Variants in FRMPD3 observed in about 807,000 individuals in gnomAD.
The protein encoded by FRMPD3 is FERM and PDZ domain-containing protein 3.
Under a neutral mutation model 97.9 loss-of-function variants are expected in FRMPD3, and 42 were observed. That is an observed-to-expected ratio of 0.43 (90% CI 0.34 to 0.55). The LOEUF (loss-of-function observed/expected upper bound fraction) is 0.55, where lower values mean the gene tolerates loss of function less well. Ranked by LOEUF, FRMPD3 falls within the 20% of genes least tolerant of loss-of-function variation. FRMPD3 has a pLI of 0.03. For missense variants in FRMPD3, 1,303 were observed against 1,457.7 expected, an observed-to-expected ratio of 0.89 and a Z score of 1.73; for synonymous variants, 577 against 581.1, an observed-to-expected ratio of 0.99 and a Z score of 0.10.
In FRMPD3 at chrX:107,482,096, TTTTG is replaced by T. The variant is rs1279894388; in HGVS notation, c.-8+32103_-8+32106del. On this transcript the variant is annotated intron_variant, in intron 1 of 14. Coordinates refer to ENST00000683843, the MANE Select transcript of FRMPD3 (RefSeq NM_001388459.1). ...AAAACCCCCGTGAGCTGAGAGGTTT[TTTTG>T]TTTGTTTGTTTTGTTTTTTTCTCTC... 7.2e-5 allele frequency among the ~76,000 whole-genome samples: 8 copies of T among 110,948 alleles called. No homozygotes were observed. The East Asian group carries it at 2.0e-3, about 27-fold the overall frequency.
chrX:107,493,362 A>T (rs906477914), intron 1 of FRMPD3, among the ~76,000 whole-genome samples: 10 of 110,711 alleles, frequency 9.0e-5, no homozygotes, highest in African/African-American at 2.6e-4. Context: ...GGCATTTTAA[A>T]GCAGTGTCAT....
chrX:107,522,597 A>C (rs996747397), intron 1 of FRMPD3: 2 of 428,303 alleles, frequency 4.7e-6, no homozygotes, highest in Non-Finnish European at 8.1e-6. Flanking sequence ...TTCATCTCCT[A>C]CCTAGAAGGC....
In FRMPD3 at chrX:107,550,068, C is replaced by G. The variant is rs761988484; in HGVS notation, c.422C>G (p.Ala141Gly). The G allele has an allele frequency of 3.3e-6, 4 of 1,196,460 alleles. No individual in the cohort carries two copies. Among genetic ancestry groups the G allele is most frequent in the Admixed American group, 4.4e-5 (2 of 45,746 alleles). Residue 141 changes from alanine (A) to glycine (G), a missense_variant, in exon 6 of 15, where the codon GCT becomes GGT. Coordinates refer to ENST00000683843, the MANE Select transcript of FRMPD3 (RefSeq NM_001388459.1). ...TCACAGAAAATGATGAAGAAGGAAG[C>G]TCTCCTCCTCATCCCTAATGTCCTG... The part of the protein sequence containing the change: ...ETDAKMMKKE[A>G]LLLIPNVLKV...
At chrX:107,504,701 C>T (rs991125536) in intron 1 of FRMPD3, among the ~76,000 whole-genome samples, 6 of 111,725 alleles carry the variant, frequency 5.4e-5, no homozygotes, top group African/African-American at 2.0e-4. Context: ...AATACAGAAC[C>T]CCCAGCTTCC....
chrX:107,462,492 T>C (rs911166484), intron 1 of FRMPD3, among the ~76,000 whole-genome samples: 4 of 112,116 alleles, frequency 3.6e-5, no homozygotes, highest in Non-Finnish European at 3.8e-5. Context: ...GCTTGGGGCT[T>C]CATGCCCCAC....
rs1187200108 is a variant in FRMPD3 at position 107,519,954 on chromosome X, G to T, written c.-7-6628G>T. On this transcript the variant is annotated intron_variant, in intron 1 of 14. Coordinates refer to ENST00000683843, the MANE Select transcript of FRMPD3 (RefSeq NM_001388459.1). ...GGACACTTTCCAAGAATAAATTGAGGCTATAGGAGAGTTTGTTGTTGACTG... is the reference window on the plus strand; with the variant it reads ...GGACACTTTCCAAGAATAAATTGAGTCTATAGGAGAGTTTGTTGTTGACTG... Among the ~76,000 whole-genome samples, 3 of 111,644 alleles carry T rather than the reference G, an allele frequency of 2.7e-5. No individual in the cohort carries two copies. In the Admixed American group the frequency reaches 2.9e-4, roughly 11 times the overall value.
intron 5 of FRMPD3, among the ~76,000 whole-genome samples, chrX:107,547,688 G>A (rs995953741): frequency 3.6e-5 from 4 of 111,563 alleles, no homozygotes; most frequent in African/African-American, 3.3e-5. Flanking sequence ...GACCATAGCA[G>A]CCTCATCACA....
rs1921801282 is a variant in FRMPD3, at chrX:107,550,147, C to T, written c.501C>T (p.Thr167=). The T allele has an allele frequency of 1.7e-6, 2 of 1,179,596 alleles. No homozygotes were observed. Among genetic ancestry groups the T allele is most frequent in the Admixed American group, 2.2e-5 (1 of 45,625 alleles). ...AGTCATTCACATTTGATGGTCGGACCACTGTTAAGGTACATACAGTCTCCT... is the reference window on the plus strand; with the variant it reads ...AGTCATTCACATTTGATGGTCGGACTACTGTTAAGGTACATACAGTCTCCT... ...QIKSFTFDGR[T]TVKDVMLTLQ... is the part of the protein sequence containing the mutation. The change falls in exon 6 of 15, where the codon ACC becomes ACT. Residue 167 remains threonine, a synonymous_variant. Transcript: ENST00000683843.
chrX:107,575,903 C>A (rs989315968), intron 12 of FRMPD3, among the ~76,000 whole-genome samples: 10 of 111,444 alleles, frequency 9.0e-5, no homozygotes, highest in African/African-American at 3.3e-4. Context: ...AGCTCTTGCA[C>A]CCAAGGGACT....
chrX:107,602,736 G>A lies in FRMPD3; in HGVS notation c.4697G>A (p.Arg1566His), dbSNP rs1053884712. The A allele has an allele frequency of 8.3e-6, 10 of 1,208,382 alleles. No homozygotes were observed. The highest frequency in any genetic ancestry group is 5.9e-5 in the East Asian group (2 of 33,750). The change falls in exon 15 of 15, where the codon CGT (arginine) becomes CAT (histidine). Residue 1566 changes from arginine to histidine, a missense_variant. Physicochemically the swap from Arg to His is conservative, Grantham distance 29. Around this residue, in one of 3 missense-constraint regions of FRMPD3, gnomAD observed 764 missense variants for 820.2 expected, o/e 0.93. Transcript: ENST00000683843. ...EASRTQEIDL[R>H]VSTFEGSLAK... Reference sequence around the variant, plus strand: ...TCCCGCACTCAGGAGATTGACCTCCGTGTGTCCACCTTCGAGGGGAGCCTG... The same window carrying A: ...TCCCGCACTCAGGAGATTGACCTCCATGTGTCCACCTTCGAGGGGAGCCTG...
intron 13 of FRMPD3, among the ~76,000 whole-genome samples, chrX:107,584,292 G>GT (rs896015238): frequency 7.2e-5 from 8 of 110,782 alleles, no homozygotes; most frequent in Non-Finnish European, 1.1e-4. Flanking sequence ...GGGATTGTTT[G>GT]TTTTTTTTCC....
intron 12 of FRMPD3, among the ~76,000 whole-genome samples, chrX:107,575,852 G>A (rs1354323643): frequency 4.5e-5 from 5 of 112,003 alleles, no homozygotes; most frequent in African/African-American, 1.6e-4. Context: ...CCAGGGAGGT[G>A]TTCTGGGTGT....
At chrX:107,529,008 G>C (rs957384286) in intron 2 of FRMPD3, among the ~76,000 whole-genome samples, 2 of 112,931 alleles carry the variant, frequency 1.8e-5, no homozygotes, top group Admixed American at 9.3e-5. Flanking sequence ...CCCTTCTTTG[G>C]AGAGAGAGGG....
intron 1 of FRMPD3, among the ~76,000 whole-genome samples, chrX:107,461,694 A>G (rs1283782675): frequency 9.1e-6 from 1 of 110,487 alleles, no homozygotes; most frequent in Non-Finnish European, 1.9e-5. Context: ...TTTGCTTACT[A>G]TATCAAATAG....
At chrX:107,489,509 C>A (rs1234034848) in intron 1 of FRMPD3, among the ~76,000 whole-genome samples, 1 of 111,669 alleles carries the variant, frequency 9.0e-6, no homozygotes, top group African/African-American at 3.3e-5. Context: ...TGTTTCCTGA[C>A]TTTTTAATGA....
At chrX:107,549,901 A>G (rs1921786753) in intron 5 of FRMPD3, 148 bp from the exon 6 acceptor site, 4 of 449,760 alleles carry the variant, frequency 8.9e-6, no homozygotes, top group South Asian at 3.3e-5. Context: ...TGTATTATTG[A>G]TCTGCTCTTT....
At chrX:107,532,020 C>T (rs752291221) in intron 3 of FRMPD3, among the ~76,000 whole-genome samples, 1 of 112,121 alleles carries the variant, frequency 8.9e-6, no homozygotes, top group Non-Finnish European at 1.9e-5. Flanking sequence ...TTCCACACAC[C>T]GAAGATACAG....
intron 1 of FRMPD3, among the ~76,000 whole-genome samples, chrX:107,457,903 G>T (rs1331759273): frequency 9.0e-6 from 1 of 110,747 alleles, no homozygotes. Flanking sequence ...CTCTTCCAGC[G>T]TACATTTATT....
intron 1 of FRMPD3, among the ~76,000 whole-genome samples, chrX:107,476,646 G>A (rs1319843845): frequency 8.9e-6 from 1 of 112,457 alleles, no homozygotes; most frequent in Non-Finnish European, 1.9e-5. Flanking sequence ...TTAGTAAATG[G>A]TAGCTGCTAT....
Sources: allele counts gnomAD v4.1 joint callset (sites outside exome capture counted in the v4.1 genomes callset), GRCh38; gene constraint gnomAD v4.1.1; regional missense constraint gnomAD v4.1.1; transcripts MANE v1.5; gene names NCBI Gene and HGNC (gene_info 2026-07-23, HGNC 2026-07-21).